Variants in DOCK7 observed in about 807,000 individuals in gnomAD.
DOCK7 encodes dedicator of cytokinesis 7, also known as dedicator of cytokinesis protein 7.
Under a neutral mutation model 271.0 loss-of-function variants are expected in DOCK7, and 138 were observed. The ratio of observed to expected loss-of-function variants is 0.51; its 90% CI spans 0.44 to 0.59. DOCK7 has a LOEUF of 0.59. DOCK7 is among the 20% of genes least tolerant of loss of function. DOCK7 has a pLI of 0.00. For synonymous variants in DOCK7, 823 were observed against 876.1 expected (o/e 0.94, Z 1.07); for missense variants, 2,066 against 2,592.4 (o/e 0.80, Z 4.41).
intron 14 of DOCK7, among the ~76,000 whole-genome samples, chr1:62,610,191 A>G (rs531879670): frequency 2.0e-5 from 3 of 152,318 alleles, no homozygotes; most frequent in South Asian, 4.1e-4. Context: ...CCAATTCGAT[A>G]GAATAAAACT....
intron 43 of DOCK7, chr1:62,483,080 T>C (rs1375062224): frequency 6.6e-6 from 1 of 151,838 alleles, no homozygotes; most frequent in Non-Finnish European, 1.5e-5. Flanking sequence ...TGATCATAGT[T>C]CACTGTAACC....
intron 19 of DOCK7, 47 bp from the exon 20 acceptor site, chr1:62,559,267 A>G: frequency 6.8e-7 from 1 of 1,478,314 alleles, no homozygotes. Context: ...TAACTTTATA[A>G]ATTTCCCACT....
intron 48 of DOCK7, chr1:62,459,174 C>T (rs1378549138): frequency 6.6e-6 from 1 of 150,818 alleles, no homozygotes. Flanking sequence ...ATATCCCCTA[C>T]CAGAAATTTA....
intron 31 of DOCK7, among the ~76,000 whole-genome samples, chr1:62,520,566 C>G (rs1644817333): frequency 6.6e-6 from 1 of 152,096 alleles, no homozygotes; most frequent in Non-Finnish European, 1.5e-5. Context: ...CCATCTCACA[C>G]CAGTTAGAGT....
At chr1:62,545,813 T>C (rs1218047129) in intron 22 of DOCK7, among the ~76,000 whole-genome samples, 1 of 152,158 alleles carries the variant, frequency 6.6e-6, no homozygotes, top group Non-Finnish European at 1.5e-5. Context: ...GGGGTTACTG[T>C]GATTCCAGGT....
chr1:62,532,073 T>C (rs1287332305), intron 29 of DOCK7, among the ~76,000 whole-genome samples: 1 of 151,966 alleles, frequency 6.6e-6, no homozygotes, highest in Admixed American at 6.6e-5. Context: ...GACAGAGTCT[T>C]GCTCTGTTGT....
intron 14 of DOCK7, among the ~76,000 whole-genome samples, chr1:62,613,648 T>C (rs1210838067): frequency 1.3e-5 from 2 of 152,156 alleles, no homozygotes; most frequent in African/African-American, 4.8e-5. Flanking sequence ...GAAAGGTGTA[T>C]AGGAAATCTG....
At chr1:62,565,019 G>C (rs1274070547) in intron 18 of DOCK7, among the ~76,000 whole-genome samples, 1 of 152,056 alleles carries the variant, frequency 6.6e-6, no homozygotes, top group Non-Finnish European at 1.5e-5. Flanking sequence ...AATCCCTGAA[G>C]AGACCAATAT....
At chr1:62,541,096 T>G (rs562081474) in intron 25 of DOCK7, among the ~76,000 whole-genome samples, 2 of 152,310 alleles carry the variant, frequency 1.3e-5, no homozygotes, top group East Asian at 3.9e-4. Flanking sequence ...TTTTATATTT[T>G]TTTACATACT....
intron 14 of DOCK7, among the ~76,000 whole-genome samples, chr1:62,613,974 C>A (rs58454620): frequency 0.011 from 1,730 of 152,022 alleles, 43 homozygotes; most frequent in African/African-American, 0.039. Flanking sequence ...TAGATAATGG[C>A]CATATATAAA....
At chr1:62,455,625 T>A (rs548229859) in intron 49 of DOCK7, 169 bp from the exon 50 acceptor site, 1 of 640,038 alleles carries the variant, frequency 1.6e-6, no homozygotes, top group African/African-American at 1.8e-5. Flanking sequence ...TATTTTGGCT[T>A]ATAGATTTAG....
At chr1:62,495,989 T>C (rs892641370) in intron 38 of DOCK7, 13 of 353,336 alleles carry the variant, frequency 3.7e-5, no homozygotes, top group African/African-American at 1.3e-4. Context: ...CTCTCCTATA[T>C]TTCTGATTTT....
At chr1:62,586,835 A>T (rs934608283) in intron 14 of DOCK7, among the ~76,000 whole-genome samples, 1 of 152,142 alleles carries the variant, frequency 6.6e-6, no homozygotes, top group African/African-American at 2.4e-5. Context: ...TTTGCAGATA[A>T]ATTGAGATTC....
At chr1:62,677,958 C>G (rs992968584) in intron 1 of DOCK7, among the ~76,000 whole-genome samples, 1 of 152,006 alleles carries the variant, frequency 6.6e-6, no homozygotes, top group Admixed American at 6.6e-5. Context: ...CAAGACCCCA[C>G]CTCTAAAATA....
intron 11 of DOCK7, among the ~76,000 whole-genome samples, chr1:62,630,138 T>C (rs1482470309): frequency 6.6e-6 from 1 of 152,150 alleles, no homozygotes; most frequent in East Asian, 1.9e-4. Flanking sequence ...GTGGCCAAAC[T>C]TGAAGACTCA....
intron 2 of DOCK7, among the ~76,000 whole-genome samples, chr1:62,661,949 C>T (rs776985003): frequency 1.3e-5 from 2 of 151,938 alleles, no homozygotes; most frequent in African/African-American, 2.4e-5. Flanking sequence ...TGAAATCAGC[C>T]AAAAATCCAT....
intron 35 of DOCK7, among the ~76,000 whole-genome samples, chr1:62,506,174 C>CA (rs1162496960): frequency 2.6e-5 from 4 of 151,838 alleles, no homozygotes; most frequent in Admixed American, 2.6e-4. Context: ...GTGCCTAGAG[C>CA]AAAAAATGTT....
chr1:62,573,724 A>T (rs1646857480), intron 18 of DOCK7, among the ~76,000 whole-genome samples: 1 of 152,150 alleles, frequency 6.6e-6, no homozygotes, highest in Admixed American at 6.6e-5. Flanking sequence ...TGTACACTTA[A>T]AATTAAAATG....
rs145576363 is a variant in DOCK7, at chr1:62,625,485, T to G, written c.1283-84A>C. On this transcript the variant is annotated intron_variant, in intron 11 of 49. Transcript: ENST00000635253. ...AGCTTTCCAAACACAAGGAAGAATC[T>G]ACTAAATTGAAAATTACCCACTCAG... 384 of 1,372,606 alleles carry G rather than the reference T, an allele frequency of 2.8e-4. 4 individuals carry two copies. The African/African-American group carries it at 4.9e-3, about 17-fold the overall frequency. The allele number at this position is 1,372,606 out of a possible 1,614,324, so 85.0% of individuals were successfully genotyped here.
Sources: allele counts gnomAD v4.1 joint callset (sites outside exome capture counted in the v4.1 genomes callset), GRCh38; gene constraint gnomAD v4.1.1; transcripts MANE v1.5; gene names NCBI Gene and HGNC (gene_info 2026-07-23, HGNC 2026-07-21).